EDARADD: variants seen among roughly 807,000 people sequenced by gnomAD.
The protein encoded by EDARADD is ectodysplasin-A receptor-associated adapter protein.
EDARADD carries 20 observed loss-of-function variants against 25.6 expected under a neutral mutation model. The ratio of observed to expected loss-of-function variants is 0.78; its 90% CI spans 0.55 to 1.14. The LOEUF (loss-of-function observed/expected upper bound fraction) is 1.14, where lower values mean the gene tolerates loss of function less well. Ranked by LOEUF, EDARADD falls within the 50% of genes most tolerant of loss-of-function variation. The pLI is 0.00. For synonymous variants in EDARADD, 86 were observed against 94.4 expected (o/e 0.91, Z 0.52); for missense variants, 225 against 270.1 (o/e 0.83, Z 1.17).
At chr1:236,447,438 T>C (rs1201235180) in intron 4 of EDARADD, among the ~76,000 whole-genome samples, 1 of 152,010 alleles carries the variant, frequency 6.6e-6, no homozygotes, top group African/African-American at 2.4e-5. Flanking sequence ...GTGTTATTAG[T>C]AGAGACAGGG....
At position 236,356,431 on chromosome 1, in the gene EDARADD, A is replaced by G. The variant is rs184045488; in HGVS notation, c.-6+5592A>G. On this transcript the variant is annotated intron_variant, in intron 3 of 7. Coordinates refer to the EDARADD transcript ENST00000439430. ...GCACTCTGGCTTAGCCCGGAGAACAATGATTCTCCCCCAGGGATCCCCAGA... is the reference window on the plus strand; with the variant it reads ...GCACTCTGGCTTAGCCCGGAGAACAGTGATTCTCCCCCAGGGATCCCCAGA... Among the ~76,000 whole-genome samples the G allele has an allele frequency of 3.3e-5, 5 of 152,316 alleles. No homozygotes were observed. In the East Asian group the frequency reaches 9.7e-4, roughly 29 times the overall value.
chr1:236,428,203 G>C (rs1380196086), intron 4 of EDARADD, among the ~76,000 whole-genome samples: 1 of 152,102 alleles, frequency 6.6e-6, no homozygotes, highest in Non-Finnish European at 1.5e-5. Flanking sequence ...TCAAGCATCT[G>C]TTTAACAAAG....
intron 3 of EDARADD, among the ~76,000 whole-genome samples, chr1:236,376,037 C>T (rs772406538): frequency 1.6e-4 from 24 of 148,296 alleles, no homozygotes; most frequent in African/African-American, 2.3e-4. Flanking sequence ...GAGGTTCGAG[C>T]GATTCTCCTT....
chr1:236,450,673 C>T (rs1275054770), intron 4 of EDARADD, among the ~76,000 whole-genome samples: 3 of 151,754 alleles, frequency 2.0e-5, no homozygotes, highest in South Asian at 4.2e-4. Flanking sequence ...CTCAGCCTCC[C>T]GAGTAGCTGG....
At position 236,462,488 on chromosome 1, in the gene EDARADD, G is replaced by A. The variant is rs779337657; in HGVS notation, c.220-5743G>A. 5.9e-5 allele frequency among the ~76,000 whole-genome samples: 9 copies of A among 151,986 alleles called. No homozygotes were observed. The South Asian group carries it at 1.5e-3, about 25-fold the overall frequency. ...ATTTGACTTCTCCATCAATCTATCC[G>A]TGTCTCCCGTCACATCAGTCCATTC... is the stretch of plus-strand genomic sequence containing the variant. On this transcript the variant is annotated intron_variant, in intron 4 of 5. Transcript: ENST00000334232.
intron 3 of EDARADD, among the ~76,000 whole-genome samples, chr1:236,373,040 C>T (rs1331026346): frequency 4.0e-5 from 6 of 150,800 alleles, no homozygotes; most frequent in African/African-American, 1.5e-4. Flanking sequence ...CTCAGCCTCC[C>T]GATTAGCTGG....
intron 1 of EDARADD, among the ~76,000 whole-genome samples, chr1:236,405,873 C>T (rs1667717647): frequency 1.7e-5 from 1 of 59,098 alleles, no homozygotes; most frequent in African/African-American, 7.3e-5. Context: ...TTCCTTCCTT[C>T]CTTCTTTCTT....
At chr1:236,348,614 T>C (rs997076215) in intron 1 of EDARADD, 3 of 152,272 alleles carry the variant, frequency 2.0e-5, no homozygotes, top group Non-Finnish European at 4.4e-5. Flanking sequence ...TCATGAGTCT[T>C]TCTGTAGCCT....
chr1:236,464,256 T>A (rs1348675188), intron 4 of EDARADD, among the ~76,000 whole-genome samples: 5 of 150,774 alleles, frequency 3.3e-5, no homozygotes, highest in Admixed American at 6.6e-5. Context: ...AAGTATTATT[T>A]TTTTTTTTTT....
intron 3 of EDARADD, among the ~76,000 whole-genome samples, chr1:236,351,916 C>T (rs747776037): frequency 2.0e-5 from 3 of 151,880 alleles, no homozygotes; most frequent in South Asian, 2.1e-4. Flanking sequence ...GGAGGTTTCT[C>T]GGAACTGTGG....
chr1:236,445,463 G>A (rs1277753415), intron 4 of EDARADD, among the ~76,000 whole-genome samples: 2 of 152,022 alleles, frequency 1.3e-5, no homozygotes, highest in African/African-American at 4.8e-5. Context: ...TCTGACCTTA[G>A]GTGATCTGCC....
chr1:236,454,450 C>T (rs1658801661), intron 4 of EDARADD, among the ~76,000 whole-genome samples: 1 of 152,180 alleles, frequency 6.6e-6, no homozygotes, highest in Non-Finnish European at 1.5e-5. Flanking sequence ...CCTCCTAGCC[C>T]CCATGCATAC....
At chr1:236,405,761 CTTT>C (rs1558112337) in intron 1 of EDARADD, among the ~76,000 whole-genome samples, 10 of 59,806 alleles carry the variant, frequency 1.7e-4, no homozygotes, top group Admixed American at 5.8e-4. Flanking sequence ...TTCTTTCTTT[CTTT>C]CTTTCTTTCT....
At chr1:236,390,621 C>G (rs1314886284), upstream of EDARADD, among the ~76,000 whole-genome samples, 3 of 152,132 alleles carry the variant, frequency 2.0e-5, no homozygotes, top group Non-Finnish European at 4.4e-5. Context: ...AAAAAAAATT[C>G]TGATATGTTT....
At chr1:236,362,989 A>G (rs1336759918) in intron 3 of EDARADD, among the ~76,000 whole-genome samples, 21 of 61,148 alleles carry the variant, frequency 3.4e-4, no homozygotes, top group East Asian at 2.1e-3. Context: ...TTTTTTAAGA[A>G]AAAAAAAAAA....
chr1:236,357,722 T>C (rs638450), intron 3 of EDARADD, among the ~76,000 whole-genome samples: 52,748 of 151,620 alleles, frequency 0.35, 9,477 homozygotes, highest in African/African-American at 0.44. Context: ...AGTGTGAGAA[T>C]AGCACCGAGA....
intron 1 of EDARADD, among the ~76,000 whole-genome samples, chr1:236,407,055 G>A (rs1299177591): frequency 1.3e-5 from 2 of 152,204 alleles, no homozygotes; most frequent in African/African-American, 4.8e-5. Context: ...CAGAACTGGG[G>A]CTCTGTCCCT....
At chr1:236,410,743 A>C (rs1657445017) in intron 2 of EDARADD, among the ~76,000 whole-genome samples, 1 of 152,250 alleles carries the variant, frequency 6.6e-6, no homozygotes, top group Admixed American at 6.5e-5. Context: ...TTACAGCGAC[A>C]CAGAATACAC....
chr1:236,386,571 T>A (rs1363699192), intron 3 of EDARADD, among the ~76,000 whole-genome samples: 1 of 15,594 alleles, frequency 6.4e-5, no homozygotes, highest in Non-Finnish European at 1.1e-4. Flanking sequence ...CGCCGCCCCA[T>A]CTGGGATGTG....
Sources: gnomAD v4.1 joint callset for allele counts (sites outside exome capture counted in the v4.1 genomes callset) on GRCh38, gnomAD v4.1.1 for gene constraint, MANE v1.5 for transcripts, NCBI Gene and HGNC (gene_info 2026-07-23, HGNC 2026-07-21) for gene names.